DOK6: variants seen among roughly 807,000 people sequenced by gnomAD.
DOK6 encodes downstream of tyrosine kinase 6.
Under a neutral mutation model 44.0 loss-of-function variants are expected in DOK6, and 22 were observed. The ratio of observed to expected loss-of-function variants is 0.50; its 90% CI spans 0.36 to 0.71. The LOEUF is 0.71. Among genes scored for constraint, DOK6 ranks in the 30% least tolerant of loss-of-function variants. The pLI, the probability that DOK6 is intolerant of heterozygous loss-of-function variation, is 0.00. For synonymous variants in DOK6, 166 were observed against 145.5 expected (o/e 1.14, Z -1.01); for missense variants, 340 against 416.4 (o/e 0.82, Z 1.60).
At chr18:69,425,591 A>C (rs1221723510) in intron 1 of DOK6, among the ~76,000 whole-genome samples, 3 of 152,094 alleles carry the variant, frequency 2.0e-5, no homozygotes, top group African/African-American at 7.2e-5. Context: ...TATTCATTGC[A>C]TCATGATTAA....
chr18:69,690,421 A>G (rs1986239027), intron 4 of DOK6, among the ~76,000 whole-genome samples: 1 of 152,198 alleles, frequency 6.6e-6, no homozygotes, highest in South Asian at 2.1e-4. Context: ...TCGTGGTTTA[A>G]TTGTATTATA....
intron 7 of DOK6, among the ~76,000 whole-genome samples, chr18:69,790,038 G>A (rs1380478073): frequency 2.6e-5 from 4 of 152,094 alleles, no homozygotes; most frequent in African/African-American, 9.7e-5. Flanking sequence ...CAAGATCAAA[G>A]TCCTCAGAGT....
At chr18:69,796,826 G>C (rs10513975) in intron 7 of DOK6, among the ~76,000 whole-genome samples, 29,666 of 152,114 alleles carry the variant, frequency 0.2, 3,075 homozygotes, top group East Asian at 0.28. Context: ...TCTTGAGTAG[G>C]CTAGAATATT....
chr18:69,401,142 CG>C lies in DOK6; in HGVS notation c.-101del. 8.3e-7 allele frequency: 1 copy of C among 1,208,388 alleles called. No individual in the cohort carries two copies. The highest frequency in any genetic ancestry group is 1.1e-6 in the Non-Finnish European group (1 of 929,990). The allele number at this position is 1,208,388 out of a possible 1,614,324, so 74.9% of individuals were successfully genotyped here. On this transcript the variant is annotated 5_prime_UTR_variant, in exon 1 of 8. Transcript: ENST00000382713. ...GAGCGGGCGGCGGCGCTGCTGCTGGCGGCGGCCGGCTGGATGCGAGACCCGC... is the reference window on the plus strand; with the variant it reads ...GAGCGGGCGGCGGCGCTGCTGCTGGCGCGGCCGGCTGGATGCGAGACCCGC...
At chr18:69,606,197 G>A (rs550422361) in intron 3 of DOK6, among the ~76,000 whole-genome samples, 15 of 151,766 alleles carry the variant, frequency 9.9e-5, no homozygotes, top group East Asian at 5.8e-4. Flanking sequence ...GCTTGAACCC[G>A]GAAGGCAGAG....
chr18:69,509,044 A>G (rs1981273981), intron 1 of DOK6, among the ~76,000 whole-genome samples: 1 of 152,196 alleles, frequency 6.6e-6, no homozygotes, highest in Non-Finnish European at 1.5e-5. Context: ...TGTAGCTAAT[A>G]TTACATATTT....
At chr18:69,818,038 A>G (rs994764286) in intron 7 of DOK6, among the ~76,000 whole-genome samples, 1 of 152,120 alleles carries the variant, frequency 6.6e-6, no homozygotes. Flanking sequence ...CAAAACATAC[A>G]CCATACACCT....
chr18:69,825,904 A>G (rs1981727776), intron 7 of DOK6, among the ~76,000 whole-genome samples: 1 of 151,804 alleles, frequency 6.6e-6, no homozygotes, highest in African/African-American at 2.4e-5. Context: ...AAAAAAAAGC[A>G]TGATGCTTGC....
intron 4 of DOK6, among the ~76,000 whole-genome samples, chr18:69,682,459 T>A (rs1245082429): frequency 1.3e-5 from 2 of 152,196 alleles, no homozygotes; most frequent in East Asian, 3.8e-4. Flanking sequence ...CTGCAGACAA[T>A]GCCAGTGTCT....
intron 4 of DOK6, among the ~76,000 whole-genome samples, chr18:69,694,519 C>T (rs1986350158): frequency 6.6e-6 from 1 of 150,442 alleles, no homozygotes; most frequent in Non-Finnish European, 1.5e-5. Flanking sequence ...TTGTTTCAAC[C>T]ATTTAAAATA....
chr18:69,528,909 C>A (rs996929345), intron 1 of DOK6, among the ~76,000 whole-genome samples: 1 of 152,150 alleles, frequency 6.6e-6, no homozygotes, highest in African/African-American at 2.4e-5. Flanking sequence ...GTCCACAGGG[C>A]AAAATAATAT....
At chr18:69,552,056 G>C (rs1301772448) in intron 1 of DOK6, among the ~76,000 whole-genome samples, 6 of 152,198 alleles carry the variant, frequency 3.9e-5, no homozygotes, top group Non-Finnish European at 8.8e-5. Flanking sequence ...TTGGATGATT[G>C]TTATATAAAT....
rs1790602 is a variant in DOK6, at chr18:69,846,345, G to C, written c.*4962G>C. On this transcript the variant is annotated 3_prime_UTR_variant, in exon 8 of 8. Coordinates refer to ENST00000382713, the MANE Select transcript of DOK6 (RefSeq NM_152721.6). ...AAGAATTGTTTCTCGTAGTTCCAGG[G>C]TCCTGATCTAGGAATGTTTCCTTGG... 134,208 of 152,272 alleles carry C rather than the reference G, an allele frequency of 0.88. 59,369 individuals are homozygous for C. Among genetic ancestry groups the C allele is most frequent in the East Asian group, 0.97 (5,029 of 5,176 alleles). The allele number at this position is 152,272 out of a possible 1,614,324, so 9.4% of individuals were successfully genotyped here.
intron 3 of DOK6, among the ~76,000 whole-genome samples, chr18:69,671,260 C>A (rs1038691368): frequency 6.6e-6 from 1 of 152,214 alleles, no homozygotes; most frequent in East Asian, 1.9e-4. Context: ...AAAGCCTAAT[C>A]TCACTCCTTC....
At chr18:69,438,958 G>A (rs1979060592) in intron 1 of DOK6, among the ~76,000 whole-genome samples, 1 of 152,130 alleles carries the variant, frequency 6.6e-6, no homozygotes, top group Admixed American at 6.6e-5. Context: ...TGTAGTTCCA[G>A]CTACTCGGGA....
At chr18:69,496,197 A>G (rs2119967) in intron 1 of DOK6, among the ~76,000 whole-genome samples, 68,820 of 151,786 alleles carry the variant, frequency 0.45, 15,995 homozygotes, top group African/African-American at 0.5. Context: ...TGTCACCGTC[A>G]ACGAGGGAGG....
intron 1 of DOK6, among the ~76,000 whole-genome samples, chr18:69,469,283 G>T (rs2122485569): frequency 6.6e-6 from 1 of 152,166 alleles, no homozygotes; most frequent in East Asian, 1.9e-4. Context: ...TTTATTACTA[G>T]TAATTATTAG....
At chr18:69,534,081 G>T (rs1982055119) in intron 1 of DOK6, among the ~76,000 whole-genome samples, 1 of 152,058 alleles carries the variant, frequency 6.6e-6, no homozygotes, top group Non-Finnish European at 1.5e-5. Flanking sequence ...TTAAATCATT[G>T]CAACAACTCT....
At chr18:69,647,058 C>CCTAT (rs5825963) in intron 3 of DOK6, among the ~76,000 whole-genome samples, 76,235 of 126,268 alleles carry the variant, frequency 0.6, 19,810 homozygotes, top group East Asian at 0.84. Flanking sequence ...ATCTGTCTAT[C>CCTAT]CTATCTGTCT....
Sources: allele counts gnomAD v4.1 joint callset (sites outside exome capture counted in the v4.1 genomes callset), GRCh38; gene constraint gnomAD v4.1.1; transcripts MANE v1.5; gene names NCBI Gene and HGNC (gene_info 2026-07-23, HGNC 2026-07-21).